The following PRKDC variants were observed in gnomAD, a reference collection of about 807,000 sequenced individuals.
The protein encoded by PRKDC is DNA-dependent protein kinase catalytic subunit.
In PRKDC, 82 loss-of-function variants were observed where a neutral mutation model predicts 486.9. The observed-to-expected ratio is 0.17, with a 90% confidence interval of 0.14 to 0.20. The LOEUF is 0.20. Among genes scored for constraint, PRKDC ranks in the 10% least tolerant of loss-of-function variants. PRKDC has a pLI of 1.00. For synonymous variants in PRKDC, 1,895 were observed against 1,837.0 expected, an observed-to-expected ratio of 1.03 and a Z score of -0.81; for missense variants, 4,504 against 5,038.2, an observed-to-expected ratio of 0.89 and a Z score of 3.21.
At chr8:47,831,280 CCGCTCCTGTGGCGGCGGCGGCTGG>C (rs2087865961) in intron 60 of PRKDC, among the ~76,000 whole-genome samples, 1 of 152,250 alleles carries the variant, frequency 6.6e-6, no homozygotes, top group African/African-American at 2.4e-5. Context: ...GTGGATGGAG[CCGCTCCTGTGGCGGCGGCGGCTGG>C]CGCTGAACTG....
At chr8:47,840,744 G>A (rs2088121427) in intron 54 of PRKDC, among the ~76,000 whole-genome samples, 2 of 152,164 alleles carry the variant, frequency 1.3e-5, no homozygotes, top group South Asian at 4.1e-4. Context: ...ACTCCTTATA[G>A]CACCCAGCTG....
intron 40 of PRKDC, among the ~76,000 whole-genome samples, chr8:47,865,595 A>C (rs191785295): frequency 6.6e-6 from 1 of 152,246 alleles, no homozygotes; most frequent in East Asian, 1.9e-4. Context: ...ATCTGTAAAA[A>C]TAAGAGGGTT....
rs780722672 is a variant in PRKDC, at chr8:47,778,411, A to G, written c.11853+48T>C. On this transcript the variant is annotated intron_variant, in intron 83 of 85. Transcript: ENST00000314191. ...ATTTCTGGAGGTTGTTGAAAGTCCT[A>G]TGATGACTCTCGCCTTGCCCAGGAT... is the stretch of plus-strand genomic sequence containing the variant. The G allele has an allele frequency of 6.4e-6, 10 of 1,572,288 alleles. No homozygotes were observed. In the East Asian group the frequency reaches 1.9e-4, roughly 29 times the overall value.
At chr8:47,790,110 G>C (rs999725937) in intron 74 of PRKDC, among the ~76,000 whole-genome samples, 2 of 152,184 alleles carry the variant, frequency 1.3e-5, no homozygotes, top group African/African-American at 4.8e-5. Context: ...TAGAAAGGAA[G>C]AAGTCAAATT....
chr8:47,807,983 CA>C (rs2154498513), intron 68 of PRKDC, among the ~76,000 whole-genome samples: 1 of 152,230 alleles, frequency 6.6e-6, no homozygotes, highest in East Asian at 1.9e-4. Flanking sequence ...CTTGGGCTCC[CA>C]AAGTGCTGGG....
At chr8:47,872,797 T>A (rs1349960645) in intron 40 of PRKDC, among the ~76,000 whole-genome samples, 1 of 152,112 alleles carries the variant, frequency 6.6e-6, no homozygotes, top group Non-Finnish European at 1.5e-5. Context: ...AAATCAAATA[T>A]TAGAGCTAAA....
chr8:47,893,083 G>A, intron 31 of PRKDC, 56 bp downstream of exon 31: 2 of 1,503,756 alleles, frequency 1.3e-6, no homozygotes, highest in Non-Finnish European at 1.8e-6. Context: ...CAGAGCCACT[G>A]CCCAGGGTGA....
At chr8:47,846,261 C>T (rs1237001312) in intron 54 of PRKDC, among the ~76,000 whole-genome samples, 1 of 151,732 alleles carries the variant, frequency 6.6e-6, no homozygotes, top group African/African-American at 2.4e-5. Context: ...ACTAAAAATA[C>T]AAAAATTAGC....
In PRKDC at chr8:47,954,635, C is replaced by T. The variant is rs534466572; in HGVS notation, c.400-189G>A. ...CTTGGTCTCACAGGATTCACATCCA[C>T]CCAGCTTATCTGGGAATTAGAGGTT... is the stretch of plus-strand genomic sequence containing the variant. On this transcript the variant is annotated intron_variant, in intron 4 of 85. Coordinates refer to ENST00000314191, the MANE Select transcript of PRKDC (RefSeq NM_006904.7). Among the ~76,000 whole-genome samples, 26 of 152,250 alleles carry T rather than the reference C, an allele frequency of 1.7e-4. 1 individual carries two copies. The South Asian group carries it at 3.3e-3, about 19-fold the overall frequency.
In PRKDC at chr8:47,835,620, C is replaced by CAAAAAAA. The variant is rs71548446; in HGVS notation, c.7951+711_7951+717dup. The stretch of plus-strand genomic sequence containing the variant: ...CTGGTGACAGAGCAGGACTCTGTCT[C>CAAAAAAA]AAAAAAAAAAAAAAAAAAAAAAAAA... On this transcript the variant is annotated intron_variant, in intron 58 of 85. Transcript: ENST00000314191. Among the ~76,000 whole-genome samples the CAAAAAAA allele has an allele frequency of 1.9e-3, 39 of 20,484 alleles. 1 individual carries two copies. Among genetic ancestry groups the CAAAAAAA allele is most frequent in the African/African-American group, 3.9e-3 (23 of 5,930 alleles). 13.4% of individuals were successfully genotyped at this position (20,484 alleles called of 152,430 possible).
chr8:47,803,311 A>G lies in PRKDC; in HGVS notation c.9917T>C (p.Leu3306Ser), dbSNP rs1350590002. ...GATAAAAGCGGTCAACTTACCCAAC[A>G]AAGAGACTGTTTTCAGCACAGTGAG... Reference protein sequence around the residue: ...QVLTVLKTVSLLDENNVSSYL... With the variant: ...QVLTVLKTVSSLDENNVSSYL... The change falls in exon 70 of 86, where the codon TTG becomes TCG. Residue 3306 changes from leucine (L) to serine (S), a missense_variant. By Grantham distance (145) the Leu-to-Ser change is moderately radical. Coordinates refer to ENST00000314191, the MANE Select transcript of PRKDC (RefSeq NM_006904.7). The G allele has an allele frequency of 3.7e-6, 6 of 1,606,994 alleles. No individual in the cohort carries two copies. The Admixed American group carries it at 1.0e-4, about 28-fold the overall frequency.
chr8:47,928,682 T>A (rs1392173624), intron 19 of PRKDC, among the ~76,000 whole-genome samples: 1 of 151,744 alleles, frequency 6.6e-6, no homozygotes, highest in Non-Finnish European at 1.5e-5. Context: ...CCTCCTAACC[T>A]GACACAATTG....
At chr8:47,852,620 A>G in intron 52 of PRKDC, 53 bp downstream of exon 52, 1 of 1,156,884 alleles carries the variant, frequency 8.6e-7, no homozygotes, top group Non-Finnish European at 1.2e-6. Flanking sequence ...AAGGGTCATA[A>G]CAAATCAAAA....
intron 10 of PRKDC, among the ~76,000 whole-genome samples, chr8:47,941,942 G>A (rs893555214): frequency 3.9e-5 from 6 of 152,214 alleles, no homozygotes; most frequent in Admixed American, 2.0e-4. Context: ...AGATGTCTGC[G>A]TGGCTCATTA....
intron 68 of PRKDC, among the ~76,000 whole-genome samples, chr8:47,808,418 C>A (rs1194701438): frequency 6.6e-6 from 1 of 152,186 alleles, no homozygotes; most frequent in Non-Finnish European, 1.5e-5. Flanking sequence ...AGATATGAGC[C>A]ACCATGCCCA....
intron 80 of PRKDC, among the ~76,000 whole-genome samples, chr8:47,780,313 G>T: frequency 6.6e-6 from 1 of 152,040 alleles, no homozygotes; most frequent in East Asian, 1.9e-4. Context: ...TTCCAATAAG[G>T]CTTCTGCACT....
chr8:47,912,602 C>A (rs369643345), intron 24 of PRKDC, 40 bp from the exon 25 acceptor site: 5 of 1,514,330 alleles, frequency 3.3e-6, no homozygotes, highest in East Asian at 2.4e-5. Flanking sequence ...TAAGTTATCA[C>A]GTTGATGACA....
rs201137772 is a variant in PRKDC, at chr8:47,817,390, A to G, written c.9557+60T>C. The stretch of plus-strand genomic sequence containing the variant: ...TTCTCTAAACCATGGTTTGGAAGAA[A>G]AACCATTCCAACAATTTCAAAAAAC... On this transcript the variant is annotated intron_variant, in intron 68 of 85. Coordinates refer to ENST00000314191, the MANE Select transcript of PRKDC (RefSeq NM_006904.7). The G allele has an allele frequency of 1.5e-3, 1,797 of 1,221,118 alleles. 3 individuals are homozygous for G. The highest frequency in any genetic ancestry group is 1.9e-3 in the Non-Finnish European group (1,640 of 856,002). 75.6% of individuals were successfully genotyped at this position (1,221,118 alleles called of 1,614,324 possible). A position where few individuals can be genotyped will look rare whatever the true frequency, so the allele number is the denominator to read the frequency against.
rs776870771 is a variant in PRKDC at position 47,785,131 on chromosome 8, T to C, written c.11089A>G (p.Asn3697Asp). ...MSDFKVEFLR[N>D]ELEIPGQYDG... is the part of the protein sequence containing the mutation. ...AACTCACCGGGAATCTCCAGCTCAT[T>C]TCTCAGGAACTCCACTTTGAAGTCG... is the stretch of plus-strand genomic sequence containing the variant. Residue 3697 changes from asparagine to aspartate, a missense_variant, in exon 77 of 86, where the codon AAT becomes GAT. Physicochemically the swap from Asn to Asp is conservative, Grantham distance 23. This residue lies in a region of PRKDC where 706 missense variants were observed against 945.0 expected (regional missense o/e 0.75). Coordinates refer to ENST00000314191, the MANE Select transcript of PRKDC (RefSeq NM_006904.7). 8.1e-6 allele frequency: 13 copies of C among 1,613,830 alleles called. No individual in the cohort carries two copies. The African/African-American group carries it at 1.7e-4, about 22-fold the overall frequency.
Sources: allele counts gnomAD v4.1 joint callset (sites outside exome capture counted in the v4.1 genomes callset), GRCh38; gene constraint gnomAD v4.1.1; regional missense constraint gnomAD v4.1.1; transcripts MANE v1.5; gene names NCBI Gene and HGNC (gene_info 2026-07-23, HGNC 2026-07-21).